The following GAB1 variants were observed in gnomAD, a reference collection of about 807,000 sequenced individuals.
GAB1 encodes the protein GRB2-associated-binding protein 1.
Under a neutral mutation model 66.5 loss-of-function variants are expected in GAB1, and 19 were observed. That is an observed-to-expected ratio of 0.29 (90% CI 0.20 to 0.42). GAB1 has a LOEUF of 0.42. GAB1 is among the 10% of genes least tolerant of loss of function. The pLI, the probability that GAB1 is intolerant of heterozygous loss-of-function variation, is 1.00. For missense variants in GAB1, 732 were observed against 858.5 expected (o/e 0.85, Z 1.84); for synonymous variants, 294 against 301.4 (o/e 0.98, Z 0.25).
chr4:143,438,194 G>A lies in GAB1; in HGVS notation c.789G>A (p.Arg263=). The stretch of plus-strand genomic sequence containing the variant: ...ACTCCAGCCTTTATAACCTGCCCAG[G>A]AGTTATTCCCATGATGTTTTACCAA... ...SVDSSLYNLP[R]SYSHDVLPKV... Residue 263 remains arginine (R), a synonymous_variant, in exon 4 of 10, where the codon AGG becomes AGA. Transcript: ENST00000262994. 6.2e-7 allele frequency: 1 copy of A among 1,613,958 alleles called. No individual in the cohort carries two copies. Among genetic ancestry groups the A allele is most frequent in the Non-Finnish European group, 8.5e-7 (1 of 1,179,982 alleles).
At chr4:143,463,173 A>G (rs1735590362) in intron 8 of GAB1, among the ~76,000 whole-genome samples, 1 of 152,222 alleles carries the variant, frequency 6.6e-6, no homozygotes, top group Non-Finnish European at 1.5e-5. Context: ...AAACTTCTTT[A>G]ATTTTGGATC....
intron 1 of GAB1, among the ~76,000 whole-genome samples, chr4:143,406,505 A>T (rs904977036): frequency 6.6e-6 from 1 of 152,254 alleles, no homozygotes; most frequent in East Asian, 1.9e-4. Flanking sequence ...TTAGCTGGCC[A>T]GATTGCATGT....
At chr4:143,421,654 T>G (rs1272509720) in intron 2 of GAB1, among the ~76,000 whole-genome samples, 11 of 151,660 alleles carry the variant, frequency 7.3e-5, no homozygotes, top group Admixed American at 6.6e-4. Flanking sequence ...ACCAGAGAGT[T>G]TTTAGGTTTT....
chr4:143,354,511 G>T (rs1487653090), intron 1 of GAB1, among the ~76,000 whole-genome samples: 1 of 151,606 alleles, frequency 6.6e-6, no homozygotes, highest in African/African-American at 2.4e-5. Context: ...TGAGTTTAAA[G>T]TATAGAGAAA....
At chr4:143,436,474 A>G (rs1028870682) in intron 3 of GAB1, among the ~76,000 whole-genome samples, 2 of 152,212 alleles carry the variant, frequency 1.3e-5, no homozygotes, top group Non-Finnish European at 2.9e-5. Flanking sequence ...GGTCCCATGA[A>G]TAGATTGAAA....
intron 1 of GAB1, among the ~76,000 whole-genome samples, chr4:143,373,868 A>ATATATATATATATATATATATAT (rs1560725949): frequency 0.01 from 950 of 93,370 alleles, 92 homozygotes; most frequent in South Asian, 0.022. Context: ...TAAATAAATA[A>ATATATATATATATATATATATAT]ATATATATAT....
chr4:143,376,857 A>T (rs1033681130), intron 1 of GAB1: 1 of 152,216 alleles, frequency 6.6e-6, no homozygotes, highest in Non-Finnish European at 1.5e-5. Flanking sequence ...ACTGAGACGC[A>T]TTGGGACTGA....
chr4:143,368,237 A>T (rs553126317), intron 1 of GAB1, among the ~76,000 whole-genome samples: 135 of 151,674 alleles, frequency 8.9e-4, no homozygotes, highest in African/African-American at 3.2e-3. Flanking sequence ...TATTCTAATG[A>T]TAATTAATTT....
Position 143,370,883 on chromosome 4 carries a change from C to A in GAB1, c.72+33623C>A, listed in dbSNP as rs368694362. Among the ~76,000 whole-genome samples the A allele has an allele frequency of 7.2e-4, 109 of 152,220 alleles. No homozygotes were observed. The East Asian group carries it at 0.016, about 23-fold the overall frequency. Reference sequence around the variant, plus strand: ...TCACTACAAAGGACATGAACTCATCCTTTTTTATGGCTGCATAGTATTCCA... The same window carrying A: ...TCACTACAAAGGACATGAACTCATCATTTTTTATGGCTGCATAGTATTCCA... On this transcript the variant is annotated intron_variant, in intron 1 of 9. Transcript: ENST00000262994.
chr4:143,371,917 T>C (rs1224478448), intron 1 of GAB1, among the ~76,000 whole-genome samples: 2 of 152,204 alleles, frequency 1.3e-5, no homozygotes, highest in Non-Finnish European at 2.9e-5. Flanking sequence ...TGAAGAATCA[T>C]TGACTTTCAA....
At chr4:143,402,434 T>C (rs1430845222) in intron 1 of GAB1, among the ~76,000 whole-genome samples, 1 of 152,212 alleles carries the variant, frequency 6.6e-6, no homozygotes, top group African/African-American at 2.4e-5. Context: ...ATAGCATATA[T>C]ATCTGTGTTC....
intron 1 of GAB1, chr4:143,395,518 T>C (rs1046742715): frequency 3.0e-5 from 6 of 197,418 alleles, no homozygotes; most frequent in Non-Finnish European, 5.2e-5. Flanking sequence ...AAAAGGGACC[T>C]TGAACACAAA....
At chr4:143,373,044 A>AG (rs1560725364) in intron 1 of GAB1, among the ~76,000 whole-genome samples, 1 of 148,154 alleles carries the variant, frequency 6.7e-6, no homozygotes, top group African/African-American at 2.5e-5. Context: ...TTCCTTTAAA[A>AG]ACACACACAC....
intron 1 of GAB1, among the ~76,000 whole-genome samples, chr4:143,367,641 A>G (rs1385050109): frequency 6.8e-6 from 1 of 147,920 alleles, no homozygotes; most frequent in Non-Finnish European, 1.5e-5. Context: ...GCAAAGGCTG[A>G]GGGTATGTCT....
At chr4:143,413,154 T>C (rs1732485267) in intron 1 of GAB1, among the ~76,000 whole-genome samples, 1 of 152,218 alleles carries the variant, frequency 6.6e-6, no homozygotes, top group Admixed American at 6.5e-5. Flanking sequence ...AATCACTTAC[T>C]GAATGATATG....
rs185405868 is a variant in GAB1, at chr4:143,346,615, G to A, written c.72+9355G>A. Reference sequence around the variant, plus strand: ...GTGCTGTTGTGTAGAGCTTGATGAGGAACGATTACCTCATTCAGCTAGGGA... The same window carrying A: ...GTGCTGTTGTGTAGAGCTTGATGAGAAACGATTACCTCATTCAGCTAGGGA... On this transcript the variant is annotated intron_variant, in intron 1 of 9. Transcript: ENST00000262994. 1.1e-3 allele frequency among the ~76,000 whole-genome samples: 166 copies of A among 151,724 alleles called. 2 individuals carry two copies. In the South Asian group the frequency reaches 0.022, roughly 20 times the overall value.
intron 6 of GAB1, among the ~76,000 whole-genome samples, chr4:143,445,622 T>A (rs966763550): frequency 6.6e-6 from 1 of 152,152 alleles, no homozygotes; most frequent in Non-Finnish European, 1.5e-5. Context: ...TTCCGGTTTG[T>A]TGCAATTGCT....
Position 143,337,225 on chromosome 4 carries a change from C to T in GAB1, c.37C>T (p.Arg13Cys). The change falls in exon 1 of 10, where the codon CGC becomes TGC. Residue 13 changes from arginine (R) to cysteine (C), a missense_variant. By Grantham distance (180) the Arg-to-Cys change is radical. Around this residue, in one of 4 missense-constraint regions of GAB1, gnomAD observed 35 missense variants for 30.8 expected, o/e 1.13. Coordinates refer to ENST00000262994, the MANE Select transcript of GAB1 (RefSeq NM_002039.4). ...GGEVVCSGWL[R>C]KSPPEKKLKR... ...TGAAGTGGTCTGCTCCGGATGGCTC[C>T]GCAAGTCCCCCCCGGAGAAAAAGTT... 6.3e-7 allele frequency: 1 copy of T among 1,586,384 alleles called. No homozygotes were observed. The highest frequency in any genetic ancestry group is 8.6e-7 in the Non-Finnish European group (1 of 1,166,206).
At chr4:143,449,796 A>G (rs1297549726) in intron 6 of GAB1, among the ~76,000 whole-genome samples, 1 of 151,448 alleles carries the variant, frequency 6.6e-6, no homozygotes, top group East Asian at 2.0e-4. Context: ...TTACATTTAA[A>G]GTTAATATTG....
Sources: allele counts gnomAD v4.1 joint callset (sites outside exome capture counted in the v4.1 genomes callset), GRCh38; gene constraint gnomAD v4.1.1; regional missense constraint gnomAD v4.1.1; transcripts MANE v1.5; gene names NCBI Gene and HGNC (gene_info 2026-07-23, HGNC 2026-07-21).